Variants in CARD6 observed in about 807,000 individuals in gnomAD.
CARD6 encodes the protein caspase recruitment domain-containing protein 6.
In CARD6, 27 loss-of-function variants were observed where a neutral mutation model predicts 23.6. The observed-to-expected ratio is 1.14, with a 90% CI of 0.84 to 1.58. The LOEUF (loss-of-function observed/expected upper bound fraction) is 1.58, where lower values mean the gene tolerates loss of function less well. Among genes scored for constraint, CARD6 ranks in the 40% most tolerant of loss-of-function variants. The probability of loss-of-function intolerance (pLI) is 0.00; values close to 1 mark genes in which losing one functional copy is unlikely to be tolerated. For synonymous variants in CARD6, 397 were observed against 431.8 expected, an observed-to-expected ratio of 0.92 and a Z score of 1.00; for missense variants, 1,214 against 1,209.9, an observed-to-expected ratio of 1.00 and a Z score of -0.05.
chr5:40,847,091 T>G (rs1348178663), intron 2 of CARD6, among the ~76,000 whole-genome samples: 1 of 152,254 alleles, frequency 6.6e-6, no homozygotes, highest in Admixed American at 6.5e-5. Flanking sequence ...AATGTAGTTA[T>G]GATCTGCAAT....
chr5:40,846,018 T>C (rs1745960404), intron 2 of CARD6, among the ~76,000 whole-genome samples: 2 of 145,602 alleles, frequency 1.4e-5, no homozygotes, highest in Non-Finnish European at 3.0e-5. Context: ...AGTATATTCT[T>C]TTTTTTTTTT....
At chr5:40,847,138 G>A (rs1471523445) in intron 2 of CARD6, among the ~76,000 whole-genome samples, 2 of 152,208 alleles carry the variant, frequency 1.3e-5, no homozygotes, top group Admixed American at 1.3e-4. Context: ...CTAGTTGACT[G>A]GAGGCACGTG....
Position 40,853,071 on chromosome 5 carries a change from A to G in CARD6, c.1739A>G (p.Tyr580Cys). 2.5e-6 allele frequency: 4 copies of G among 1,614,140 alleles called. No homozygotes were observed. Among genetic ancestry groups the G allele is most frequent in the Non-Finnish European group, 2.5e-6 (3 of 1,180,020 alleles). Residue 580 changes from tyrosine to cysteine, a missense_variant, in exon 3 of 3, where the codon TAC becomes TGC. Coordinates refer to ENST00000254691, the MANE Select transcript of CARD6 (RefSeq NM_032587.4). Reference sequence around the variant, plus strand: ...GGAGAGGCTGCCATTGAAAGATGCTACTTTGTTCTCAGTTCCCAAGCCAGG... The same window carrying G: ...GGAGAGGCTGCCATTGAAAGATGCTGCTTTGTTCTCAGTTCCCAAGCCAGG... ...FLGEAAIERC[Y>C]FVLSSQARES...
intron 2 of CARD6, among the ~76,000 whole-genome samples, chr5:40,851,909 C>T (rs778244235): frequency 1.3e-5 from 2 of 151,728 alleles, no homozygotes; most frequent in Non-Finnish European, 1.5e-5. Flanking sequence ...TTGGGAGTTT[C>T]GCTTGAGATC....
intron 1 of CARD6, 62 bp downstream of exon 1, chr5:40,841,727 A>G (rs1745865767): frequency 1.5e-6 from 2 of 1,338,866 alleles, no homozygotes; most frequent in East Asian, 2.5e-5. Flanking sequence ...TGAAAAAGAA[A>G]ACAAAATGAA....
chr5:40,841,810 A>T, intron 1 of CARD6, 145 bp downstream of exon 1: 1 of 707,352 alleles, frequency 1.4e-6, no homozygotes, highest in South Asian at 2.2e-5. Context: ...AAATAGGGAA[A>T]AACTGGAATT....
chr5:40,841,499 T>G lies in CARD6; in HGVS notation c.117T>G (p.Ile39Met), dbSNP rs1745858680. 1 of 1,613,986 alleles carries G rather than the reference T, an allele frequency of 6.2e-7. No individual in the cohort carries two copies. The highest frequency in any genetic ancestry group is 8.5e-7 in the Non-Finnish European group (1 of 1,179,986). Residue 39 changes from isoleucine to methionine, a missense_variant, in exon 1 of 3, where the codon ATT becomes ATG. Ile to Met is a conservative substitution (Grantham distance 10). Coordinates refer to ENST00000254691, the MANE Select transcript of CARD6 (RefSeq NM_032587.4). ...ILDTLTSRRLISEEEYETLEN... is the reference protein window; with the variant it reads ...ILDTLTSRRLMSEEEYETLEN... ...ACACGTTAACTTCTCGGAGGCTGATTTCTGAGGAAGAGTATGAGACTCTGG... is the reference window on the plus strand; with the variant it reads ...ACACGTTAACTTCTCGGAGGCTGATGTCTGAGGAAGAGTATGAGACTCTGG...
chr5:40,851,039 A>G (rs1746056001), intron 2 of CARD6, among the ~76,000 whole-genome samples: 1 of 152,180 alleles, frequency 6.6e-6, no homozygotes, highest in Admixed American at 6.5e-5. Flanking sequence ...TTTATGTAAA[A>G]AAAAATAGCA....
Position 40,852,765 on chromosome 5 carries a change from C to G in CARD6, c.1433C>G (p.Ala478Gly), listed in dbSNP as rs1020529146. ...SRILNTLLSP[A>G]QLKLHKIFLH... ...ATCCTCAACACACTTCTCAGCCCTG[C>G]CCAGTTGAAATTACACAAAATCTTT... Residue 478 changes from alanine (A) to glycine (G), a missense_variant, in exon 3 of 3, where the codon GCC (alanine) becomes GGC (glycine). Physicochemically the swap from Ala to Gly is moderately conservative, Grantham distance 60. Transcript: ENST00000254691. 6 of 1,614,096 alleles carry G rather than the reference C, an allele frequency of 3.7e-6. No individual in the cohort carries two copies. The highest frequency in any genetic ancestry group is 5.1e-6 in the Non-Finnish European group (6 of 1,180,000).
rs765490996 is a variant in CARD6 at position 40,853,844 on chromosome 5, A to T, written c.2512A>T (p.Thr838Ser). ...CCCTGAGAGACCACAAATGATGGGA[A>T]CTCTTGAAAGGTCTAGGGCAGTAGC... ...ACPERPQMMGTLERSRAVASK... is the reference protein window; with the variant it reads ...ACPERPQMMGSLERSRAVASK... The change falls in exon 3 of 3, where the codon ACT (threonine) becomes TCT (serine). Residue 838 changes from threonine to serine, a missense_variant. Coordinates refer to ENST00000254691, the MANE Select transcript of CARD6 (RefSeq NM_032587.4). 1 of 1,614,056 alleles carries T rather than the reference A, an allele frequency of 6.2e-7. No individual in the cohort carries two copies. The highest frequency in any genetic ancestry group is 8.5e-7 in the Non-Finnish European group (1 of 1,180,000).
Position 40,852,612 on chromosome 5 carries a change from TTG to T in CARD6, c.1283_1284del (p.Val428GlufsTer36). ...TTAATGCTGGGGGCCATGAAAGACA[TTG>T]TGAAGAAGCAGTCAACACAGTTTTC... On this transcript the variant is annotated frameshift_variant, in exon 3 of 3. Transcript: ENST00000254691. LOFTEE classifies it low-confidence loss of function (END_TRUNC). 6.2e-7 allele frequency: 1 copy of T among 1,614,126 alleles called. No homozygotes were observed. Among genetic ancestry groups the T allele is most frequent in the Non-Finnish European group, 8.5e-7 (1 of 1,180,022 alleles).
At chr5:40,846,620 C>T (rs148813775) in intron 2 of CARD6, among the ~76,000 whole-genome samples, 1 of 152,206 alleles carries the variant, frequency 6.6e-6, no homozygotes, top group East Asian at 1.9e-4. Context: ...CTCTCCTAGC[C>T]CCTGGTAGCT....
rs747685760 is a variant in CARD6, at chr5:40,852,240, C to T, written c.908C>T (p.Pro303Leu). 1.2e-6 allele frequency: 2 copies of T among 1,613,948 alleles called. No homozygotes were observed. The highest frequency in any genetic ancestry group is 3.3e-5 in the Admixed American group (2 of 59,986). Residue 303 changes from proline (P) to leucine (L), a missense_variant, in exon 3 of 3, where the codon CCA (proline) becomes CTA (leucine). Physicochemically the swap from Pro to Leu is moderately conservative, Grantham distance 98. Transcript: ENST00000254691. Reference sequence around the variant, plus strand: ...ATGGATAGAAGCAGAAAGGTTCTGCCAGATTTTGTTAAACAATTCTCCTTA... The same window carrying T: ...ATGGATAGAAGCAGAAAGGTTCTGCTAGATTTTGTTAAACAATTCTCCTTA... The part of the protein sequence containing the change: ...LNMDRSRKVL[P>L]DFVKQFSLDR...
intron 2 of CARD6, among the ~76,000 whole-genome samples, chr5:40,848,733 A>T (rs1746007899): frequency 6.6e-6 from 1 of 152,180 alleles, no homozygotes. Context: ...ACCTAACTGT[A>T]TTTAAATTCA....
chr5:40,841,700 G>A (rs747895213), intron 1 of CARD6, 35 bp downstream of exon 1: 9 of 1,508,944 alleles, frequency 6.0e-6, no homozygotes, highest in African/African-American at 5.6e-5. Flanking sequence ...GGGGTGAGAG[G>A]AAGGGGGCAG....
chr5:40,852,752 C>A lies in CARD6; in HGVS notation c.1420C>A (p.Leu474Ile), dbSNP rs2112177814. The change falls in exon 3 of 3, where the codon CTT becomes ATT. Residue 474 changes from leucine (L) to isoleucine (I), a missense_variant. By Grantham distance (5) the Leu-to-Ile change is conservative (BLOSUM62 2). Coordinates refer to ENST00000254691, the MANE Select transcript of CARD6 (RefSeq NM_032587.4). ...SFSKSRILNT[L>I]LSPAQLKLHK... Reference sequence around the variant, plus strand: ...CTCTAAGTCCAGAATCCTCAACACACTTCTCAGCCCTGCCCAGTTGAAATT... The same window carrying A: ...CTCTAAGTCCAGAATCCTCAACACAATTCTCAGCCCTGCCCAGTTGAAATT... The A allele has an allele frequency of 6.2e-7, 1 of 1,614,040 alleles. No homozygotes were observed. Among genetic ancestry groups the A allele is most frequent in the Middle Eastern group, 1.7e-4 (1 of 6,060 alleles).
rs977226042 is a variant in CARD6, at chr5:40,854,463, A to G, written c.*17A>G. The G allele has an allele frequency of 3.8e-6, 6 of 1,587,116 alleles. No homozygotes were observed. Among genetic ancestry groups the G allele is most frequent in the Admixed American group, 1.7e-5 (1 of 59,606 alleles). On this transcript the variant is annotated 3_prime_UTR_variant, in exon 3 of 3. Transcript: ENST00000254691. ...AAGCATTAAAGAGCTAACTCCAGAG[A>G]TCTATAAAGCATATCCTTTACCCAG...
At chr5:40,841,691 G>C in intron 1 of CARD6, 26 bp downstream of exon 1, 4 of 1,567,624 alleles carry the variant, frequency 2.6e-6, no homozygotes, top group Non-Finnish European at 3.5e-6. Context: ...ATACTTTTTG[G>C]GGTGAGAGGA....
chr5:40,852,619 G>C lies in CARD6; in HGVS notation c.1287G>C (p.Lys429Asn). The change falls in exon 3 of 3, where the codon AAG becomes AAC. Residue 429 changes from lysine (K) to asparagine (N), a missense_variant. Lys to Asn is a moderately conservative substitution (Grantham distance 94). Transcript: ENST00000254691. ...TGGGGGCCATGAAAGACATTGTGAA[G>C]AAGCAGTCAACACAGTTTTCAGGGG... is the stretch of plus-strand genomic sequence containing the variant. ...LMLGAMKDIVKKQSTQFSGGP... is the reference protein window; with the variant it reads ...LMLGAMKDIVNKQSTQFSGGP... 6.2e-7 allele frequency: 1 copy of C among 1,614,166 alleles called. No homozygotes were observed. Among genetic ancestry groups the C allele is most frequent in the Non-Finnish European group, 8.5e-7 (1 of 1,180,026 alleles).
Sources: gnomAD v4.1 joint callset for allele counts (sites outside exome capture counted in the v4.1 genomes callset) on GRCh38, gnomAD v4.1.1 for gene constraint, MANE v1.5 for transcripts, NCBI Gene and HGNC (gene_info 2026-07-23, HGNC 2026-07-21) for gene names.